The following CARMIL3 variants were observed in gnomAD, a reference collection of about 807,000 sequenced individuals.
The protein encoded by CARMIL3 is capping protein regulator and myosin 1 linker 3, also known as capping protein, Arp2/3 and myosin-I linker protein 3.
CARMIL3 carries 88 observed loss-of-function variants against 180.8 expected under a neutral mutation model. That is an observed-to-expected ratio of 0.49 (90% CI 0.41 to 0.58). The LOEUF is 0.58. Ranked by LOEUF, CARMIL3 falls within the 20% of genes least tolerant of loss-of-function variation. CARMIL3 has a pLI of 0.00. For synonymous variants in CARMIL3, 696 were observed against 714.5 expected, an observed-to-expected ratio of 0.97 and a Z score of 0.41; for missense variants, 1,548 against 1,787.0, an observed-to-expected ratio of 0.87 and a Z score of 2.41.
In CARMIL3 at chr14:24,054,054, G is replaced by T; in HGVS notation, c.136-34G>T. The T allele has an allele frequency of 6.2e-7, 1 of 1,611,236 alleles. No homozygotes were observed. The highest frequency in any genetic ancestry group is 8.5e-7 in the Non-Finnish European group (1 of 1,178,888). On this transcript the variant is annotated intron_variant, in intron 2 of 39. Coordinates refer to ENST00000342740, the MANE Select transcript of CARMIL3 (RefSeq NM_138360.4). The surrounding 1 kb of genome is among the most constrained non-coding windows in gnomAD (Gnocchi z 5.1). ...GCAGGGCCACCAAGGCCCAGCAGCT[G>T]CCATGAGCTGCCGATTTTTTCCTCT...
Position 24,065,113 on chromosome 14 carries a change from T to TCCCCCCC in CARMIL3, c.3239_3240insCCCCCCC (p.Pro1083SerfsTer14). 7.0e-7 allele frequency: 1 copy of TCCCCCCC among 1,435,694 alleles called. No homozygotes were observed. The highest frequency in any genetic ancestry group is 9.3e-7 in the Non-Finnish European group (1 of 1,070,216). 88.9% of individuals were successfully genotyped at this position (1,435,694 alleles called of 1,614,324 possible). ...GGGTCCCCTACCACTGGACTCCTCC[T>TCCCCCCC]CCCTCCACCCCCACCCCCTCCCCCG... On this transcript the variant is annotated frameshift_variant, in exon 33 of 40. Transcript: ENST00000342740. LOFTEE classifies it high-confidence loss of function.
At position 24,057,039 on chromosome 14, in the gene CARMIL3, C is replaced by G; in HGVS notation, c.1062+15C>G. 1 of 1,609,692 alleles carries G rather than the reference C, an allele frequency of 6.2e-7. No homozygotes were observed. Among genetic ancestry groups the G allele is most frequent in the Non-Finnish European group, 8.5e-7 (1 of 1,177,328 alleles). On this transcript the variant is annotated intron_variant, in intron 13 of 39. Transcript: ENST00000342740. ...ATGAGGCCAATGTGAGTCCTCAGAA[C>G]AGCCTCAGCCCCCTGCAGAAAGCAT... is the stretch of plus-strand genomic sequence containing the variant.
intron 30 of CARMIL3, 31 bp from the exon 31 acceptor site, chr14:24,063,294 G>C: frequency 6.3e-7 from 1 of 1,591,734 alleles, no homozygotes; most frequent in Non-Finnish European, 8.6e-7. Flanking sequence ...CCATTCCTCT[G>C]CTAGTCCCTC....
At position 24,060,041 on chromosome 14, in the gene CARMIL3, G is replaced by A. The variant is rs375461974; in HGVS notation, c.1940G>A (p.Arg647His). 2.4e-5 allele frequency: 38 copies of A among 1,613,818 alleles called. No individual in the cohort carries two copies. Among genetic ancestry groups the A allele is most frequent in the African/African-American group, 1.6e-4 (12 of 74,954 alleles). The part of the protein sequence containing the change: ...ISQAYRSAPE[R>H]TEDVWQKIQW... ...CAAGCCTATCGCAGCGCGCCTGAGCGCACCGAGGACGTCTGGCAGAAGGTG... is the reference window on the plus strand; with the variant it reads ...CAAGCCTATCGCAGCGCGCCTGAGCACACCGAGGACGTCTGGCAGAAGGTG... Residue 647 changes from arginine to histidine, a missense_variant, in exon 23 of 40, where the codon CGC becomes CAC. Physicochemically the swap from Arg to His is conservative, Grantham distance 29 (BLOSUM62 0). Transcript: ENST00000342740.
rs148437360 is a variant in CARMIL3, at chr14:24,058,788, G to C, written c.1474+27G>C. ...TGAGTAGTGGTTCCTCCCTTCCCTG[G>C]GGCCAGGGGAGAACAGGGGCCTGGA... On this transcript the variant is annotated intron_variant, in intron 18 of 39. Transcript: ENST00000342740. The surrounding 1 kb of genome is among the most constrained non-coding windows in gnomAD (Gnocchi z 6.4). 6.0e-4 allele frequency: 973 copies of C among 1,613,678 alleles called. 6 individuals carry two copies. The African/African-American group carries it at 0.012, about 20-fold the overall frequency.
chr14:24,067,783 C>CT (rs2035801803), intron 36 of CARMIL3, among the ~76,000 whole-genome samples: 1 of 152,290 alleles, frequency 6.6e-6, no homozygotes. Context: ...GCAGACAACA[C>CT]TTTCCAGTGT....
At position 24,069,096 on chromosome 14, in the gene CARMIL3, G is replaced by T. The variant is rs771992560; in HGVS notation, c.3983-41G>T. On this transcript the variant is annotated intron_variant, in intron 38 of 39. Coordinates refer to ENST00000342740, the MANE Select transcript of CARMIL3 (RefSeq NM_138360.4). ...AGCCTGGATGAGCATCCCAGCATGAGCCCCACTCCTGTGTTAGGCCTGCCT... is the reference window on the plus strand; with the variant it reads ...AGCCTGGATGAGCATCCCAGCATGATCCCCACTCCTGTGTTAGGCCTGCCT... The T allele has an allele frequency of 3.7e-6, 6 of 1,610,278 alleles. No individual in the cohort carries two copies. The South Asian group carries it at 6.6e-5, about 18-fold the overall frequency.
intron 39 of CARMIL3, 39 bp downstream of exon 39, chr14:24,069,286 A>G (rs1162080921): frequency 1.4e-5 from 22 of 1,611,908 alleles, no homozygotes; most frequent in African/African-American, 1.1e-4. Flanking sequence ...CTTCCCACCT[A>G]TCTGTCCAAC....
chr14:24,057,265 A>C (rs199978548), intron 14 of CARMIL3, 21 bp downstream of exon 14: 2 of 1,610,836 alleles, frequency 1.2e-6, no homozygotes, highest in Non-Finnish European at 1.7e-6. Context: ...GGTGATGGGA[A>C]GCCAGTCTGA....
chr14:24,058,107 G>T lies in CARMIL3; in HGVS notation c.1322+43G>T, dbSNP rs369776139. The T allele has an allele frequency of 6.2e-7, 1 of 1,613,726 alleles. No homozygotes were observed. On this transcript the variant is annotated intron_variant, in intron 16 of 39. Coordinates refer to ENST00000342740, the MANE Select transcript of CARMIL3 (RefSeq NM_138360.4). The surrounding 1 kb of genome is among the most constrained non-coding windows in gnomAD (Gnocchi z 6.4). ...TTGGGGGCGCATCCAAGGGAACCAC[G>T]GGGAGCGGGAAGAGGTAAAGGAGGG...
intron 11 of CARMIL3, 40 bp downstream of exon 11, chr14:24,056,433 G>T: frequency 6.3e-7 from 1 of 1,587,266 alleles, no homozygotes; most frequent in South Asian, 1.1e-5. Flanking sequence ...TCCCAATGCA[G>T]ACCCCTGTCC....
Position 24,052,742 on chromosome 14 carries a change from G to T in CARMIL3, c.40+549G>T, listed in dbSNP as rs184073355. On this transcript the variant is annotated intron_variant, in intron 1 of 39. Coordinates refer to ENST00000342740, the MANE Select transcript of CARMIL3 (RefSeq NM_138360.4). Reference sequence around the variant, plus strand: ...GGATTGGAGCTAAAACCAAGAGCAGGAGGGTCTCTGAGGCTCGCCTCCCAC... The same window carrying T: ...GGATTGGAGCTAAAACCAAGAGCAGTAGGGTCTCTGAGGCTCGCCTCCCAC... Among the ~76,000 whole-genome samples, 14 of 152,332 alleles carry T rather than the reference G, an allele frequency of 9.2e-5. No individual in the cohort carries two copies. In the East Asian group the frequency reaches 2.7e-3, roughly 29 times the overall value.
chr14:24,067,493 C>G (rs1462728629), intron 36 of CARMIL3, among the ~76,000 whole-genome samples: 1 of 152,276 alleles, frequency 6.6e-6, no homozygotes, highest in Non-Finnish European at 1.5e-5. Context: ...GCTGAGCGGG[C>G]TGGTCTGGCT....
Position 24,054,902 on chromosome 14 carries a change from G to A in CARMIL3, c.460+94G>A. On this transcript the variant is annotated intron_variant, in intron 6 of 39. Transcript: ENST00000342740. This position sits in a 1 kb window ranked among gnomAD's most constrained non-coding sequence, Gnocchi z 5.1. ...CACAGGGTGTTGCCTGGGCGGGCGG[G>A]CTTTGCCTGCCTGAAGGACTCCCAG... The A allele has an allele frequency of 7.0e-7, 1 of 1,432,954 alleles. No individual in the cohort carries two copies. Among genetic ancestry groups the A allele is most frequent in the Non-Finnish European group, 9.7e-7 (1 of 1,034,828 alleles). 88.8% of individuals were successfully genotyped at this position (1,432,954 alleles called of 1,614,324 possible).
Position 24,055,698 on chromosome 14 carries a change from C to T in CARMIL3, c.682-3C>T. 1.2e-6 allele frequency: 2 copies of T among 1,614,102 alleles called. No homozygotes were observed. Among genetic ancestry groups the T allele is most frequent in the African/African-American group, 1.3e-5 (1 of 75,004 alleles). ...TGATCACAAGACCCCCCTCTGTCCT[C>T]AGGGCTCTGAAGTGCTAGAACAGGT... On this transcript the variant is annotated splice_polypyrimidine_tract_variant and splice_region_variant and intron_variant, in intron 9 of 39. Coordinates refer to ENST00000342740, the MANE Select transcript of CARMIL3 (RefSeq NM_138360.4).
chr14:24,054,593 GAGA>G lies in CARMIL3; in HGVS notation c.362+85_362+87del, dbSNP rs1419362220. On this transcript the variant is annotated intron_variant, in intron 5 of 39. Transcript: ENST00000342740. The surrounding 1 kb of genome is among the most constrained non-coding windows in gnomAD (Gnocchi z 5.1). Reference sequence around the variant, plus strand: ...TTCCTCCTTCCCCTGGGCCAGGGCTGAGAAGGAGAGCTCTCATGTCCCCACTCC... The same window carrying G: ...TTCCTCCTTCCCCTGGGCCAGGGCTGAGGAGAGCTCTCATGTCCCCACTCC... 2 of 1,513,792 alleles carry G rather than the reference GAGA, an allele frequency of 1.3e-6. No homozygotes were observed. Among genetic ancestry groups the G allele is most frequent in the Non-Finnish European group, 1.8e-6 (2 of 1,105,072 alleles). 93.8% of individuals were successfully genotyped at this position (1,513,792 alleles called of 1,614,324 possible). A position where few individuals can be genotyped will look rare whatever the true frequency, so the allele number is the denominator to read the frequency against.
Position 24,059,878 on chromosome 14 carries a change from G to A in CARMIL3, c.1869-92G>A. The A allele has an allele frequency of 6.5e-7, 1 of 1,540,710 alleles. No individual in the cohort carries two copies. The highest frequency in any genetic ancestry group is 9.0e-7 in the Non-Finnish European group (1 of 1,115,856). The stretch of plus-strand genomic sequence containing the variant: ...GGGCCATGGAAGACAGAAATGATGA[G>A]CAAGGGGGCTGGAGGGCTGCTCACC... On this transcript the variant is annotated intron_variant, in intron 22 of 39. Transcript: ENST00000342740. The surrounding 1 kb of genome is among the most constrained non-coding windows in gnomAD (Gnocchi z 6.3).
rs1259044455 is a variant in CARMIL3 at position 24,069,248 on chromosome 14, G to A, written c.4093+1G>A. The A allele has an allele frequency of 2.5e-6, 4 of 1,613,992 alleles. No individual in the cohort carries two copies. The highest frequency in any genetic ancestry group is 3.3e-5 in the Admixed American group (2 of 60,004). ...AGAAGACGGCCTCCTGACCCCACAG[G>A]TGCTGGTGGTGAGAGGGCAGGTCCC... On this transcript the variant is annotated splice_donor_variant, in intron 39 of 39. Coordinates refer to ENST00000342740, the MANE Select transcript of CARMIL3 (RefSeq NM_138360.4). LOFTEE classifies it high-confidence loss of function.
In CARMIL3 at chr14:24,064,982, G is replaced by A. The variant is rs1456131222; in HGVS notation, c.3105G>A (p.Val1035=). 1.2e-6 allele frequency: 2 copies of A among 1,612,026 alleles called. No homozygotes were observed. Among genetic ancestry groups the A allele is most frequent in the Non-Finnish European group, 1.7e-6 (2 of 1,179,604 alleles). ...GCTACCCCCGGACTCTGAGGACCGTGCGGCCAGGACTCTCGGAGGCACCGC... is the reference window on the plus strand; with the variant it reads ...GCTACCCCCGGACTCTGAGGACCGTACGGCCAGGACTCTCGGAGGCACCGC... ...SSSYPRTLRT[V]RPGLSEAPLP... is the part of the protein sequence containing the mutation. Residue 1035 remains valine, a synonymous_variant, in exon 33 of 40, where the codon GTG becomes GTA. Transcript: ENST00000342740.
Sources: allele counts gnomAD v4.1 joint callset (sites outside exome capture counted in the v4.1 genomes callset), GRCh38; gene constraint gnomAD v4.1.1; non-coding constraint Gnocchi (gnomAD v3.1); transcripts MANE v1.5; gene names NCBI Gene and HGNC (gene_info 2026-07-23, HGNC 2026-07-21).